ATP10B: variants seen among roughly 807,000 people sequenced by gnomAD.
ATP10B encodes phospholipid-transporting ATPase VB.
A neutral mutation model predicts 141.2 loss-of-function variants in ATP10B; 122 were observed. That is an observed-to-expected ratio of 0.86 (90% confidence interval 0.75 to 1.00). The LOEUF is 1.00. ATP10B is among the 50% of genes least tolerant of loss of function. The pLI, the probability that ATP10B is intolerant of heterozygous loss-of-function variation, is 0.00. For missense variants in ATP10B, 1,876 were observed against 1,825.3 expected, an observed-to-expected ratio of 1.03 and a Z score of -0.51; for synonymous variants, 685 against 692.0, an observed-to-expected ratio of 0.99 and a Z score of 0.16.
At chr5:160,896,111 A>G in the ATP10B span, among the ~76,000 whole-genome samples, 2 of 152,194 alleles carry the variant, frequency 1.3e-5, no homozygotes, top group African/African-American at 2.4e-5. Flanking sequence ...TCTAAAATTG[A>G]CACCCTAACA....
In ATP10B at chr5:160,622,409, G is replaced by A. The variant is rs548788352; in HGVS notation, c.1797C>T (p.Thr599=). The A allele has an allele frequency of 4.3e-5, 69 of 1,613,098 alleles. No individual in the cohort carries two copies. Among genetic ancestry groups the A allele is most frequent in the South Asian group, 3.2e-4 (29 of 90,764 alleles). Residue 599 remains threonine (T), a synonymous_variant, in exon 14 of 26, where the codon ACC becomes ACT. Coordinates refer to ENST00000327245, the MANE Select transcript of ATP10B (RefSeq NM_025153.3). The part of the protein sequence containing the change: ...ICNSVMVSTT[T]EPRQRVTIKP... ...TGGTCCTTACCCTCTGCCTGGGCTC[G>A]GTGGTTGTGGACACCATGACAGAGT...
chr5:160,587,361 A>G lies in ATP10B; in HGVS notation c.3750+2231T>C, dbSNP rs374475066. Among the ~76,000 whole-genome samples, 23 of 152,306 alleles carry G rather than the reference A, an allele frequency of 1.5e-4. No individual in the cohort carries two copies. The South Asian group carries it at 4.6e-3, about 30-fold the overall frequency. On this transcript the variant is annotated intron_variant, in intron 24 of 25. Coordinates refer to ENST00000327245, the MANE Select transcript of ATP10B (RefSeq NM_025153.3). ...CTTGTAGTATAGTTTGAAGTCAGGT[A>G]GCATGATGCCTCCAGTTTTGTTCTT...
At chr5:160,907,298 T>A in the ATP10B span, among the ~76,000 whole-genome samples, 7 of 152,100 alleles carry the variant, frequency 4.6e-5, no homozygotes, top group South Asian at 2.1e-4. Context: ...TTTTTTTCTT[T>A]AATTTACACA....
At position 160,579,602 on chromosome 5, in the gene ATP10B, A is replaced by C. The variant is rs2127600354; in HGVS notation, c.3751-9919T>G. ...GCATAGTTTGAAGTCAAGCAGCATG[A>C]GGCCTCCAGCTTTGTGTTTTTTGCT... On this transcript the variant is annotated intron_variant, in intron 24 of 25. Transcript: ENST00000327245. Among the ~76,000 whole-genome samples, 3 of 152,276 alleles carry C rather than the reference A, an allele frequency of 2.0e-5. No individual in the cohort carries two copies. The South Asian group carries it at 6.2e-4, about 32-fold the overall frequency.
chr5:160,841,555 A>G (rs1436599663), intron 1 of ATP10B, among the ~76,000 whole-genome samples: 1 of 152,128 alleles, frequency 6.6e-6, no homozygotes, highest in African/African-American at 2.4e-5. Flanking sequence ...TCAATAAAAA[A>G]TTAAATTGAC....
intron 7 of ATP10B, among the ~76,000 whole-genome samples, chr5:160,655,732 A>T (rs1761448361): frequency 6.6e-6 from 1 of 152,202 alleles, no homozygotes; most frequent in Admixed American, 6.5e-5. Context: ...TAGATCCCAC[A>T]TTGGGCCAGT....
chr5:160,856,222 C>G (rs1387414575), upstream of ATP10B, among the ~76,000 whole-genome samples: 1 of 151,814 alleles, frequency 6.6e-6, no homozygotes, highest in Admixed American at 6.6e-5. Context: ...GTCTCTTCAT[C>G]TATGTAGGTC....
intron 24 of ATP10B, among the ~76,000 whole-genome samples, chr5:160,585,680 A>G (rs1755837639): frequency 1.3e-5 from 2 of 152,198 alleles, no homozygotes; most frequent in African/African-American, 4.8e-5. Flanking sequence ...TTCTTTCTTG[A>G]GTAGGAGAAT....
At chr5:160,642,210 A>G (rs564221168) in intron 9 of ATP10B, among the ~76,000 whole-genome samples, 1 of 152,294 alleles carries the variant, frequency 6.6e-6, no homozygotes, top group African/African-American at 2.4e-5. Flanking sequence ...TTTGTACTTC[A>G]ATTCCTCATC....
At chr5:160,645,737 T>A (rs965039470) in intron 8 of ATP10B, among the ~76,000 whole-genome samples, 2 of 149,668 alleles carry the variant, frequency 1.3e-5, no homozygotes, top group East Asian at 1.9e-4. Flanking sequence ...AACAAAAAAA[T>A]AATAATCCGA....
chr5:160,812,398 A>C (rs962980794), intron 1 of ATP10B, among the ~76,000 whole-genome samples: 9 of 149,072 alleles, frequency 6.0e-5, no homozygotes, highest in African/African-American at 2.2e-4. Flanking sequence ...ACCTCACTAA[A>C]TGGACTAAAT....
At chr5:160,704,237 G>T (rs1012153657) in intron 3 of ATP10B, among the ~76,000 whole-genome samples, 3 of 151,426 alleles carry the variant, frequency 2.0e-5, no homozygotes, top group Non-Finnish European at 2.9e-5. Flanking sequence ...TATTATTATT[G>T]TTCGTAGAGA....
At chr5:160,704,565 T>C (rs1764864728) in intron 3 of ATP10B, among the ~76,000 whole-genome samples, 1 of 152,174 alleles carries the variant, frequency 6.6e-6, no homozygotes, top group Non-Finnish European at 1.5e-5. Flanking sequence ...GAGCATTGGC[T>C]TCAAGTTAGA....
chr5:160,883,948 A>G, the ATP10B span, among the ~76,000 whole-genome samples: 44 of 152,332 alleles, frequency 2.9e-4, no homozygotes, highest in African/African-American at 9.9e-4. Flanking sequence ...AGACTCTATC[A>G]GGAAATCTCA....
At chr5:160,640,211 G>T (rs1759733985) in intron 10 of ATP10B, among the ~76,000 whole-genome samples, 1 of 152,218 alleles carries the variant, frequency 6.6e-6, no homozygotes, top group African/African-American at 2.4e-5. Context: ...TTCATTCCAT[G>T]CTACGAGAGT....
intron 2 of ATP10B, among the ~76,000 whole-genome samples, chr5:160,719,219 T>A (rs1363819060): frequency 6.6e-6 from 1 of 151,970 alleles, no homozygotes; most frequent in South Asian, 2.1e-4. Context: ...GCTAACATGG[T>A]GAAACCCTGT....
In ATP10B at chr5:160,715,149, C is replaced by G. The variant is rs891267409; in HGVS notation, c.-205+1760G>C. ...GAGCTGTGGTGGGCTCCACCAAGTT[C>G]GAGGTTCCCGGCTGCTTTGTTTACC... On this transcript the variant is annotated intron_variant, in intron 3 of 25. Transcript: ENST00000327245. Among the ~76,000 whole-genome samples the G allele has an allele frequency of 5.1e-3, 759 of 149,590 alleles. 8 individuals are homozygous for G. Among genetic ancestry groups the G allele is most frequent in the African/African-American group, 0.017 (671 of 40,146 alleles).
intron 1 of ATP10B, among the ~76,000 whole-genome samples, chr5:160,843,838 A>G (rs527559166): frequency 1.8e-4 from 27 of 152,024 alleles, no homozygotes; most frequent in Admixed American, 1.3e-3. Flanking sequence ...TATTTTTCTC[A>G]AGTTTTTTTC....
chr5:160,874,076 G>A, the ATP10B span, among the ~76,000 whole-genome samples: 1 of 152,024 alleles, frequency 6.6e-6, no homozygotes, highest in South Asian at 2.1e-4. Flanking sequence ...TCCACCACTG[G>A]GGGCAGGGCA....
Sources: allele counts gnomAD v4.1 joint callset (sites outside exome capture counted in the v4.1 genomes callset), GRCh38; gene constraint gnomAD v4.1.1; transcripts MANE v1.5; gene names NCBI Gene and HGNC (gene_info 2026-07-23, HGNC 2026-07-21).